The following ME1 variants were observed in gnomAD, a reference collection of about 807,000 sequenced individuals.
ME1 encodes NADP-dependent malic enzyme.
Under a neutral mutation model 66.4 loss-of-function variants are expected in ME1, and 74 were observed. That is an observed-to-expected ratio of 1.11 (90% CI 0.92 to 1.35). ME1 has a LOEUF of 1.35. Among genes scored for constraint, ME1 ranks in the 40% most tolerant of loss-of-function variants. The pLI is 0.00. For missense variants in ME1, 750 were observed against 694.1 expected, an observed-to-expected ratio of 1.08 and a Z score of -0.90; for synonymous variants, 251 against 235.6, an observed-to-expected ratio of 1.07 and a Z score of -0.60.
At chr6:83,360,957 A>C (rs1339680114) in intron 3 of ME1, among the ~76,000 whole-genome samples, 6 of 152,222 alleles carry the variant, frequency 3.9e-5, no homozygotes. Flanking sequence ...GCCCACCAGA[A>C]GAAATTTGCC....
intron 5 of ME1, among the ~76,000 whole-genome samples, chr6:83,327,884 C>T (rs1768332586): frequency 6.6e-6 from 1 of 152,124 alleles, no homozygotes; most frequent in African/African-American, 2.4e-5. Flanking sequence ...TTTAAAATTT[C>T]TCTCTTCTGT....
chr6:83,238,799 A>AT (rs1554263094), intron 8 of ME1, among the ~76,000 whole-genome samples: 15,673 of 139,214 alleles, frequency 0.11, 1,306 homozygotes, highest in East Asian at 0.25. Flanking sequence ...TTTCTTGAAA[A>AT]ATATATATAT....
At chr6:83,365,101 C>CT (rs1013024290) in intron 3 of ME1, among the ~76,000 whole-genome samples, 5 of 151,926 alleles carry the variant, frequency 3.3e-5, no homozygotes, top group Admixed American at 1.3e-4. Flanking sequence ...TGTGGGTGTT[C>CT]TTTTTTTTGA....
intron 1 of ME1, among the ~76,000 whole-genome samples, chr6:83,424,293 A>T (rs1212661965): frequency 6.6e-6 from 1 of 152,180 alleles, no homozygotes. Context: ...GTTGACTGTG[A>T]AAAGTTCGGT....
At chr6:83,329,623 T>G (rs1323915568) in intron 5 of ME1, among the ~76,000 whole-genome samples, 2 of 152,232 alleles carry the variant, frequency 1.3e-5, no homozygotes, top group Non-Finnish European at 2.9e-5. Flanking sequence ...GTGTGGCACA[T>G]AGGCACAAAA....
intron 6 of ME1, among the ~76,000 whole-genome samples, chr6:83,301,053 G>C (rs142053771): frequency 0.019 from 2,863 of 152,162 alleles, 48 homozygotes; most frequent in South Asian, 0.033. Flanking sequence ...CCATGGGATG[G>C]GGGGAGTGGG....
chr6:83,342,153 G>A (rs181447356), intron 5 of ME1, among the ~76,000 whole-genome samples: 9 of 152,214 alleles, frequency 5.9e-5, no homozygotes, highest in East Asian at 1.9e-4. Flanking sequence ...ATTTAAATGG[G>A]GTGAACACTA....
At position 83,405,722 on chromosome 6, in the gene ME1, G is replaced by GTTTT. The variant is rs1245020714; in HGVS notation, c.212+2042_212+2045dup. ...GAGAGTTTTTTTTGTTGTTGTTGTT[G>GTTTT]TTTTTTTTTTTTTTTTTGAGACGGA... On this transcript the variant is annotated intron_variant, in intron 2 of 13. Coordinates refer to ENST00000369705, the MANE Select transcript of ME1 (RefSeq NM_002395.6). Among the ~76,000 whole-genome samples the GTTTT allele has an allele frequency of 7.1e-4, 90 of 126,254 alleles. 3 individuals are homozygous for GTTTT. Among genetic ancestry groups the GTTTT allele is most frequent in the African/African-American group, 2.8e-3 (87 of 31,564 alleles). 82.8% of individuals were successfully genotyped at this position (126,254 alleles called of 152,430 possible). A position where few individuals can be genotyped will look rare whatever the true frequency, so the allele number is the denominator to read the frequency against.
chr6:83,312,511 G>A (rs1015609697), intron 6 of ME1, among the ~76,000 whole-genome samples: 1 of 152,134 alleles, frequency 6.6e-6, no homozygotes, highest in Non-Finnish European at 1.5e-5. Flanking sequence ...CCCTAAACCT[G>A]CCAAGATGGC....
At chr6:83,326,608 T>C (rs1768296693) in intron 5 of ME1, among the ~76,000 whole-genome samples, 1 of 152,122 alleles carries the variant, frequency 6.6e-6, no homozygotes, top group African/African-American at 2.4e-5. Flanking sequence ...AGAAGGCATG[T>C]ATGTGGCCAA....
intron 13 of ME1, 25 bp downstream of exon 13, chr6:83,216,469 TAATG>T: frequency 6.9e-7 from 1 of 1,439,242 alleles, no homozygotes; most frequent in Non-Finnish European, 9.6e-7. Flanking sequence ...GAAGGAAAAA[TAATG>T]AAGCTTGAAC....
chr6:83,237,200 CAG>C (rs373389406), intron 9 of ME1, among the ~76,000 whole-genome samples: 53 of 120,954 alleles, frequency 4.4e-4, no homozygotes, highest in African/African-American at 4.3e-4. Flanking sequence ...ACCTCAAAAA[CAG>C]AGAGAGAGAG....
chr6:83,277,806 G>A (rs1767212379), intron 6 of ME1, among the ~76,000 whole-genome samples: 1 of 151,908 alleles, frequency 6.6e-6, no homozygotes, highest in Non-Finnish European at 1.5e-5. Context: ...GGAGGCTGAG[G>A]CAGGAGAATC....
chr6:83,423,855 T>C (rs1421906887), intron 1 of ME1, among the ~76,000 whole-genome samples: 2 of 152,060 alleles, frequency 1.3e-5, no homozygotes, highest in Non-Finnish European at 2.9e-5. Context: ...ACACCTATAA[T>C]ACCAGCACTT....
chr6:83,379,142 C>A (rs1769347107), intron 3 of ME1, among the ~76,000 whole-genome samples: 1 of 152,092 alleles, frequency 6.6e-6, no homozygotes, highest in African/African-American at 2.4e-5. Flanking sequence ...ATAAAGAAAC[C>A]ATACTACCAT....
chr6:83,406,500 T>G (rs1359479182), intron 2 of ME1, among the ~76,000 whole-genome samples: 1 of 152,056 alleles, frequency 6.6e-6, no homozygotes, highest in Non-Finnish European at 1.5e-5. Flanking sequence ...CTTTTTAGAG[T>G]ACTAATCCCA....
chr6:83,423,178 C>T (rs1329774474), intron 1 of ME1, among the ~76,000 whole-genome samples: 1 of 144,790 alleles, frequency 6.9e-6, no homozygotes, highest in Admixed American at 7.1e-5. Context: ...AAAGAAAGGG[C>T]GGGAGGAAGA....
At chr6:83,298,931 G>GTTTTTTTTTTTTTTTTTTTTT (rs61055748) in intron 6 of ME1, among the ~76,000 whole-genome samples, 3 of 22,496 alleles carry the variant, frequency 1.3e-4, no homozygotes, top group African/African-American at 3.8e-4. Context: ...CTATGTGTCT[G>GTTTTTTTTTTTTTTTTTTTTT]TTTTTTTTTT....
At chr6:83,289,598 T>A (rs916413478) in intron 6 of ME1, among the ~76,000 whole-genome samples, 1 of 152,192 alleles carries the variant, frequency 6.6e-6, no homozygotes, top group African/African-American at 2.4e-5. Flanking sequence ...AATTTTCTTT[T>A]TTTGTTGTGT....
Sources: gnomAD v4.1 joint callset for allele counts (sites outside exome capture counted in the v4.1 genomes callset) on GRCh38, gnomAD v4.1.1 for gene constraint, MANE v1.5 for transcripts, NCBI Gene and HGNC (gene_info 2026-07-23, HGNC 2026-07-21) for gene names.